ARMC5: variants seen among roughly 807,000 people sequenced by gnomAD.
ARMC5 encodes armadillo repeat containing 5.
A neutral mutation model predicts 60.5 loss-of-function variants in ARMC5; 28 were observed. The ratio of observed to expected loss-of-function variants is 0.46; its 90% CI spans 0.34 to 0.63. The LOEUF is 0.63. Ranked by LOEUF, ARMC5 falls within the 30% of genes least tolerant of loss-of-function variation. The pLI is 0.01. For synonymous variants in ARMC5, 680 were observed against 607.3 expected (o/e 1.12, Z -1.76); for missense variants, 1,189 against 1,304.9 (o/e 0.91, Z 1.37).
At chr16:31,465,193 C>G (rs755248493) in intron 4 of ARMC5, 1 of 1,578,102 alleles carries the variant, frequency 6.3e-7, no homozygotes, top group Non-Finnish European at 8.6e-7. Context: ...TGGTTCAGCA[C>G]TGTCCTGACT....
Position 31,466,178 on chromosome 16 carries a change from C to T in ARMC5, c.2097C>T (p.Phe699=). ...TRPAPHPLFL[F]FAADSLSCLQ... ...CGGCCCCACACCCGCTCTTCCTCTT[C>T]TTTGCCGCGGACTCCCTTTCCTGCC... is the stretch of plus-strand genomic sequence containing the variant. Residue 699 remains phenylalanine, a synonymous_variant, in exon 6 of 6, where the codon TTC becomes TTT. Coordinates refer to ENST00000268314, the MANE Select transcript of ARMC5 (RefSeq NM_001105247.2). This position sits in a 1 kb window ranked among gnomAD's most constrained non-coding sequence, Gnocchi z 8.0. 2 of 1,611,840 alleles carry T rather than the reference C, an allele frequency of 1.2e-6. No individual in the cohort carries two copies. Among genetic ancestry groups the T allele is most frequent in the Non-Finnish European group, 1.7e-6 (2 of 1,179,878 alleles).
chr16:31,462,984 G>A lies in ARMC5; in HGVS notation c.1370+67G>A, dbSNP rs1221902704. On this transcript the variant is annotated intron_variant, in intron 3 of 5. Coordinates refer to ENST00000268314, the MANE Select transcript of ARMC5 (RefSeq NM_001105247.2). This position sits in a 1 kb window ranked among gnomAD's most constrained non-coding sequence, Gnocchi z 7.2. The stretch of plus-strand genomic sequence containing the variant: ...TGATGTGGGGTTTGTGTCTGTCTTG[G>A]TCCTCTTCACTACCTCCACCCCTAT... 9.9e-6 allele frequency: 14 copies of A among 1,420,168 alleles called. No homozygotes were observed. The highest frequency in any genetic ancestry group is 2.8e-5 in the Admixed American group (1 of 36,004). 88.0% of individuals were successfully genotyped at this position (1,420,168 alleles called of 1,614,324 possible).
chr16:31,459,263 G>A (rs2142560027), upstream of ARMC5: 2 of 1,533,968 alleles, frequency 1.3e-6, no homozygotes, highest in East Asian at 4.9e-5. Context: ...CGCTTCCCGA[G>A]GTAGGCGTGA....
chr16:31,467,113 T>TGCCTG lies in ARMC5; in HGVS notation c.*234_*238dup, dbSNP rs142544346. The TGCCTG allele has an allele frequency of 0.045, 21,928 of 483,902 alleles. 768 individuals carry two copies. The highest frequency in any genetic ancestry group is 0.13 in the Middle Eastern group (224 of 1,788). The allele number at this position is 483,902 out of a possible 1,614,324, so 30.0% of individuals were successfully genotyped here. ...AAGCAGAACAGCCCAGAGCCCCAGG[T>TGCCTG]GCCTGGCCTGGCCTAGACCTCTGGA... On this transcript the variant is annotated 3_prime_UTR_variant, in exon 6 of 6. Coordinates refer to ENST00000268314, the MANE Select transcript of ARMC5 (RefSeq NM_001105247.2).
Position 31,466,150 on chromosome 16 carries a change from G to A in ARMC5, c.2069G>A (p.Arg690Gln), listed in dbSNP as rs758434668. ...CGGCTCCTCCTTGCGGCGCTGACCC[G>A]GCCGGCCCCACACCCGCTCTTCCTC... Reference protein sequence around the residue: ...GLRLLLAALTRPAPHPLFLFF... With the variant: ...GLRLLLAALTQPAPHPLFLFF... Residue 690 changes from arginine to glutamine, a missense_variant, in exon 6 of 6, where the codon CGG becomes CAG. Around this residue, in one of 2 missense-constraint regions of ARMC5, gnomAD observed 862 missense variants for 1,071.2 expected, o/e 0.80. Transcript: ENST00000268314. The surrounding 1 kb of genome is among the most constrained non-coding windows in gnomAD (Gnocchi z 8.0). The A allele has an allele frequency of 1.2e-5, 20 of 1,606,952 alleles. No individual in the cohort carries two copies. The African/African-American group carries it at 2.1e-4, about 17-fold the overall frequency.
upstream of ARMC5, chr16:31,458,747 G>A (rs1198531039): frequency 3.4e-6 from 5 of 1,476,470 alleles, no homozygotes; most frequent in African/African-American, 1.4e-5. Context: ...GGGGCTCCCC[G>A]GGACGCGAAT....
At chr16:31,461,614 TCTC>T (rs2082304089) in intron 1 of ARMC5, among the ~76,000 whole-genome samples, 1 of 152,184 alleles carries the variant, frequency 6.6e-6, no homozygotes, top group Non-Finnish European at 1.5e-5. Flanking sequence ...TTCAAGCAAT[TCTC>T]CTGCCACAGC....
At chr16:31,463,565 A>T (rs2082323378) in intron 3 of ARMC5, among the ~76,000 whole-genome samples, 1 of 152,020 alleles carries the variant, frequency 6.6e-6, no homozygotes, top group Non-Finnish European at 1.5e-5. Flanking sequence ...AAAGCTGAGG[A>T]ACTCTTTATT....
intron 1 of ARMC5, 158 bp downstream of exon 1, chr16:31,460,157 C>A: frequency 2.7e-6 from 2 of 745,048 alleles, no homozygotes; most frequent in Non-Finnish European, 4.3e-6. Context: ...CCCGTGACGT[C>A]ACTGCACTCT....
At position 31,464,517 on chromosome 16, in the gene ARMC5, G is replaced by A. The variant is rs2082332832; in HGVS notation, c.1494G>A (p.Leu498=). Reference sequence around the variant, plus strand: ...GCCCCGCCCCGACCCCGACCTCGCTGCGGGCACCACGCACCCAACGCACTC... The same window carrying A: ...GCCCCGCCCCGACCCCGACCTCGCTACGGGCACCACGCACCCAACGCACTC... The part of the protein sequence containing the change: ...PASPAPTPTS[L]RAPRTQRTPG... The change falls in exon 4 of 6, where the codon CTG becomes CTA. Residue 498 remains leucine (L), a synonymous_variant. Transcript: ENST00000268314. This position sits in a 1 kb window ranked among gnomAD's most constrained non-coding sequence, Gnocchi z 7.6. The A allele has an allele frequency of 6.2e-7, 1 of 1,603,766 alleles. No homozygotes were observed. The highest frequency in any genetic ancestry group is 8.5e-7 in the Non-Finnish European group (1 of 1,175,888).
intron 1 of ARMC5, among the ~76,000 whole-genome samples, chr16:31,461,708 C>T (rs1052505700): frequency 6.6e-6 from 1 of 152,110 alleles, no homozygotes; most frequent in Non-Finnish European, 1.5e-5. Context: ...GGGTTTGGCC[C>T]CGTTGGCCAG....
chr16:31,458,943 C>T, upstream of ARMC5: 7 of 1,535,632 alleles, frequency 4.6e-6, no homozygotes, highest in Non-Finnish European at 6.1e-6. Flanking sequence ...TTCCACAAGC[C>T]CGTCACTCTA....
In ARMC5 at chr16:31,459,516, C is replaced by G. The variant is rs763121282; in HGVS notation, c.-9C>G. ...GAGAAGCGGGGCGGAGTCTGAGGCC[C>G]GAGCCAAGATGGCGGCTGCGAAGCC... is the stretch of plus-strand genomic sequence containing the variant. On this transcript the variant is annotated 5_prime_UTR_variant, in exon 1 of 6. Coordinates refer to ENST00000268314, the MANE Select transcript of ARMC5 (RefSeq NM_001105247.2). The G allele has an allele frequency of 5.0e-6, 8 of 1,598,064 alleles. No homozygotes were observed. Among genetic ancestry groups the G allele is most frequent in the Non-Finnish European group, 3.4e-6 (4 of 1,175,470 alleles).
chr16:31,459,236 C>T (rs1174502283), upstream of ARMC5: 1 of 1,532,726 alleles, frequency 6.5e-7, no homozygotes, highest in African/African-American at 1.4e-5. Context: ...CCTGGAGGGC[C>T]CTGGAAGAGT....
chr16:31,459,086 G>A, upstream of ARMC5: 2 of 1,488,126 alleles, frequency 1.3e-6, no homozygotes, highest in South Asian at 1.3e-5. Context: ...CCGTCCCAAG[G>A]CCGGGCCGCA....
Position 31,465,998 on chromosome 16 carries a change from G to A in ARMC5, c.1997+16G>A. On this transcript the variant is annotated intron_variant, in intron 5 of 5. Transcript: ENST00000268314. ...TCATCTGCCGGTGAGTGGGAAGTGG[G>A]TGCCTTGCGGGGTTGGGGGAGGAGT... 3.1e-6 allele frequency: 5 copies of A among 1,599,336 alleles called. No homozygotes were observed. The highest frequency in any genetic ancestry group is 3.4e-6 in the Non-Finnish European group (4 of 1,177,640).
chr16:31,465,990 G>A lies in ARMC5; in HGVS notation c.1997+8G>A, dbSNP rs553814776. On this transcript the variant is annotated splice_region_variant and intron_variant, in intron 5 of 5. Coordinates refer to ENST00000268314, the MANE Select transcript of ARMC5 (RefSeq NM_001105247.2). ...CCTGCCCTTCATCTGCCGGTGAGTG[G>A]GAAGTGGGTGCCTTGCGGGGTTGGG... The A allele has an allele frequency of 6.2e-7, 1 of 1,600,556 alleles. No homozygotes were observed. The highest frequency in any genetic ancestry group is 2.2e-5 in the East Asian group (1 of 44,812).
chr16:31,459,611 G>T lies in ARMC5; in HGVS notation c.87G>T (p.Gly29=). The part of the protein sequence containing the change: ...LAAAAGEALG[G]EKDPATNETP... ...CGGCGGCCGGGGAGGCTCTGGGTGG[G>T]GAAAAGGACCCAGCGACCAACGAGA... Residue 29 remains glycine (G), a synonymous_variant, in exon 1 of 6, where the codon GGG becomes GGT. Transcript: ENST00000268314. 2 of 1,597,340 alleles carry T rather than the reference G, an allele frequency of 1.3e-6. No homozygotes were observed. Among genetic ancestry groups the T allele is most frequent in the Non-Finnish European group, 1.7e-6 (2 of 1,178,006 alleles).
chr16:31,461,628 C>A (rs2082304233), intron 1 of ARMC5, among the ~76,000 whole-genome samples: 1 of 152,204 alleles, frequency 6.6e-6, no homozygotes, highest in Non-Finnish European at 1.5e-5. Context: ...CTGCCACAGC[C>A]TCCCGGGTAG....
Sources: allele counts gnomAD v4.1 joint callset (sites outside exome capture counted in the v4.1 genomes callset), GRCh38; gene constraint gnomAD v4.1.1; regional missense constraint gnomAD v4.1.1; non-coding constraint Gnocchi (gnomAD v3.1); transcripts MANE v1.5; gene names NCBI Gene and HGNC (gene_info 2026-07-23, HGNC 2026-07-21).